The following RASA3 variants were observed in gnomAD, a reference collection of about 807,000 sequenced individuals.
RASA3 encodes RAS p21 protein activator 3.
RASA3 carries 73 observed loss-of-function variants against 110.0 expected under a neutral mutation model. The observed-to-expected ratio is 0.66, with a 90% confidence interval of 0.55 to 0.81. The LOEUF (loss-of-function observed/expected upper bound fraction) is 0.81. Ranked by LOEUF, RASA3 falls within the 30% of genes least tolerant of loss-of-function variation. RASA3 has a pLI of 0.00. For missense variants in RASA3, 976 were observed against 1,113.2 expected, an observed-to-expected ratio of 0.88 and a Z score of 1.75; for synonymous variants, 500 against 451.4, an observed-to-expected ratio of 1.11 and a Z score of -1.37.
intron 1 of RASA3, among the ~76,000 whole-genome samples, chr13:114,109,382 C>T (rs890137609): frequency 1.3e-5 from 2 of 152,216 alleles, no homozygotes; most frequent in African/African-American, 4.8e-5. Flanking sequence ...CTCCTGTTCA[C>T]AGCCTCCTCT....
chr13:114,036,502 G>A lies in RASA3; in HGVS notation c.372+4498C>T, dbSNP rs550413805. ...CTGTGACATCTTATGATGAAACGGC[G>A]GCTCCTGAGACTGGAGTTGTGGGGT... is the stretch of plus-strand genomic sequence containing the variant. On this transcript the variant is annotated intron_variant, in intron 4 of 23. Transcript: ENST00000334062. Among the ~76,000 whole-genome samples the A allele has an allele frequency of 5.3e-5, 8 of 152,248 alleles. No individual in the cohort carries two copies. In the East Asian group the frequency reaches 1.2e-3, roughly 22 times the overall value.
At chr13:114,089,181 T>C (rs1180617135) in intron 1 of RASA3, among the ~76,000 whole-genome samples, 1 of 150,844 alleles carries the variant, frequency 6.6e-6, no homozygotes, top group Non-Finnish European at 1.5e-5. Flanking sequence ...ATAGTTCTCA[T>C]TAGAGGGGCA....
In RASA3 at chr13:114,048,641, C is replaced by T. The variant is rs2079093560; in HGVS notation, c.277+3411G>A. ...GCAGCCGAGTCCAGGCAGAGGCCGC[C>T]TCCCTGCGCCTGGAATCCCGAAGGA... is the stretch of plus-strand genomic sequence containing the variant. On this transcript the variant is annotated intron_variant, in intron 3 of 23. Transcript: ENST00000334062. This position sits in a 1 kb window ranked among gnomAD's most constrained non-coding sequence, Gnocchi z 4.3. Among the ~76,000 whole-genome samples, 1 of 152,224 alleles carries T rather than the reference C, an allele frequency of 6.6e-6. No homozygotes were observed. Among genetic ancestry groups the T allele is most frequent in the African/African-American group, 2.4e-5 (1 of 41,464 alleles).
chr13:113,980,192 T>G (rs1313321636), intron 23 of RASA3, among the ~76,000 whole-genome samples: 1 of 145,876 alleles, frequency 6.9e-6, no homozygotes, highest in Non-Finnish European at 1.5e-5. Flanking sequence ...CTCCCACGTG[T>G]GTGCACCACC....
chr13:114,028,178 A>G (rs1267111397), intron 5 of RASA3, among the ~76,000 whole-genome samples: 2 of 143,418 alleles, frequency 1.4e-5, no homozygotes, highest in African/African-American at 5.3e-5. Context: ...AGTGTGTGAC[A>G]GCACATCTAA....
chr13:114,017,557 G>A (rs931701140), intron 11 of RASA3, among the ~76,000 whole-genome samples: 7 of 152,246 alleles, frequency 4.6e-5, no homozygotes, highest in Non-Finnish European at 7.3e-5. Flanking sequence ...CACTGCCAGA[G>A]GGAACCGTTC....
rs139945414 is a variant in RASA3 at position 114,048,002 on chromosome 13, C to A, written c.277+4050G>T. On this transcript the variant is annotated intron_variant, in intron 3 of 23. Coordinates refer to ENST00000334062, the MANE Select transcript of RASA3 (RefSeq NM_007368.4). The surrounding 1 kb of genome is among the most constrained non-coding windows in gnomAD (Gnocchi z 4.3). ...ACTTTACCATATGTCAGTTGCAGACCACCTGATTTATACACAAAGAACGGA... is the reference window on the plus strand; with the variant it reads ...ACTTTACCATATGTCAGTTGCAGACAACCTGATTTATACACAAAGAACGGA... Among the ~76,000 whole-genome samples, 133 of 152,298 alleles carry A rather than the reference C, an allele frequency of 8.7e-4. 2 individuals carry two copies. The highest frequency in any genetic ancestry group is 1.2e-3 in the South Asian group (6 of 4,820).
In RASA3 at chr13:114,115,423, G is replaced by C. The variant is rs1053791271; in HGVS notation, c.55+17012C>G. Among the ~76,000 whole-genome samples, 2 of 152,220 alleles carry C rather than the reference G, an allele frequency of 1.3e-5. No homozygotes were observed. The highest frequency in any genetic ancestry group is 1.9e-4 in the East Asian group (1 of 5,200). On this transcript the variant is annotated intron_variant, in intron 1 of 23. Transcript: ENST00000334062. The surrounding 1 kb of genome is among the most constrained non-coding windows in gnomAD (Gnocchi z 5.0). Reference sequence around the variant, plus strand: ...AGGCTTGGGTTAGTGTCGGGCACGCGGGGGAGGTGCCTGCCTGCGTGAAGA... The same window carrying C: ...AGGCTTGGGTTAGTGTCGGGCACGCCGGGGAGGTGCCTGCCTGCGTGAAGA...
chr13:114,092,821 G>C (rs1318845429), intron 1 of RASA3, among the ~76,000 whole-genome samples: 2 of 152,016 alleles, frequency 1.3e-5, no homozygotes, highest in African/African-American at 4.8e-5. Flanking sequence ...ATTAATATTT[G>C]CTTTATATAT....
chr13:114,130,371 A>C (rs1216443274), intron 1 of RASA3, among the ~76,000 whole-genome samples: 1 of 152,140 alleles, frequency 6.6e-6, no homozygotes, highest in Non-Finnish European at 1.5e-5. Context: ...TGCCCCTGGG[A>C]GGGTCAAAGG....
At chr13:114,106,413 A>G (rs1284995041) in intron 1 of RASA3, among the ~76,000 whole-genome samples, 2 of 152,248 alleles carry the variant, frequency 1.3e-5, no homozygotes, top group African/African-American at 2.4e-5. Context: ...ATTTGAGATT[A>G]TTGTAAATAA....
intron 1 of RASA3, among the ~76,000 whole-genome samples, chr13:114,076,508 G>A (rs374257139): frequency 2.0e-5 from 3 of 151,324 alleles, no homozygotes; most frequent in African/African-American, 2.4e-5. Flanking sequence ...ACGCACACAC[G>A]CAGCGCACAC....
chr13:114,049,967 C>G (rs2079116589), intron 3 of RASA3, among the ~76,000 whole-genome samples: 1 of 152,232 alleles, frequency 6.6e-6, no homozygotes, highest in Admixed American at 6.5e-5. Flanking sequence ...GCCCCAGTCC[C>G]AGAGGTGGGC....
chr13:114,039,876 A>T (rs1473538706), intron 4 of RASA3, among the ~76,000 whole-genome samples: 1 of 152,208 alleles, frequency 6.6e-6, no homozygotes, highest in Non-Finnish European at 1.5e-5. Flanking sequence ...GTCAGCACAC[A>T]GTCCCGGCAA....
chr13:114,068,759 G>T (rs2079501043), intron 2 of RASA3, among the ~76,000 whole-genome samples: 1 of 152,194 alleles, frequency 6.6e-6, no homozygotes, highest in South Asian at 2.1e-4. Context: ...AAAAGGTATG[G>T]ATTGTGAACA....
At chr13:114,020,769 C>CA (rs2053909421) in intron 9 of RASA3, among the ~76,000 whole-genome samples, 4 of 152,188 alleles carry the variant, frequency 2.6e-5, no homozygotes, top group Non-Finnish European at 5.9e-5. Context: ...GGGTCAGAGC[C>CA]GACCACTGAG....
chr13:114,061,219 G>A (rs1361654870), intron 2 of RASA3, among the ~76,000 whole-genome samples: 30 of 152,188 alleles, frequency 2.0e-4, no homozygotes, highest in Non-Finnish European at 1.5e-5. Flanking sequence ...CACGGCCGGG[G>A]ACGCTGCCTC....
intron 14 of RASA3, among the ~76,000 whole-genome samples, chr13:114,013,852 CTG>C (rs1272421054): frequency 1.9e-4 from 18 of 93,220 alleles, no homozygotes; most frequent in African/African-American, 5.8e-4. Context: ...CTCCATCTCT[CTG>C]TCTCTCTCCC....
chr13:114,028,222 C>T (rs1279279997), intron 5 of RASA3, among the ~76,000 whole-genome samples: 6 of 96,840 alleles, frequency 6.2e-5, no homozygotes, highest in South Asian at 3.3e-4. Context: ...GGGCAGGACC[C>T]CTAAAACAGT....
Sources: allele counts gnomAD v4.1 joint callset (sites outside exome capture counted in the v4.1 genomes callset), GRCh38; gene constraint gnomAD v4.1.1; non-coding constraint Gnocchi (gnomAD v3.1); transcripts MANE v1.5; gene names NCBI Gene and HGNC (gene_info 2026-07-23, HGNC 2026-07-21).